The following G3BP1 variants were observed in gnomAD, a reference collection of about 807,000 sequenced individuals.
The protein encoded by G3BP1 is G3BP stress granule assembly factor 1.
Under a neutral mutation model 58.6 loss-of-function variants are expected in G3BP1, and 35 were observed. The observed-to-expected ratio is 0.60, with a 90% CI of 0.46 to 0.79. The LOEUF (loss-of-function observed/expected upper bound fraction) is 0.79, where lower values mean the gene tolerates loss of function less well. Ranked by LOEUF, G3BP1 falls within the 30% of genes least tolerant of loss-of-function variation. The pLI is 0.00. For missense variants in G3BP1, 523 were observed against 580.8 expected (o/e 0.90, Z 1.02); for synonymous variants, 191 against 195.4 (o/e 0.98, Z 0.19).
At chr5:151,799,460 C>T in intron 8 of G3BP1, 147 bp downstream of exon 8, 2 of 618,682 alleles carry the variant, frequency 3.2e-6, no homozygotes, top group South Asian at 3.8e-5. Flanking sequence ...CTGAAGCCAG[C>T]TGATCACTGG....
At chr5:151,790,711 C>G (rs1007699394) in intron 3 of G3BP1, among the ~76,000 whole-genome samples, 178 bp from the exon 4 acceptor site, 14 of 152,096 alleles carry the variant, frequency 9.2e-5, no homozygotes, top group South Asian at 2.1e-4. Context: ...TTAAAAAACT[C>G]AAGCGCGGTC....
intron 4 of G3BP1, among the ~76,000 whole-genome samples, chr5:151,793,717 G>T (rs1186983010): frequency 6.6e-6 from 1 of 151,494 alleles, no homozygotes; most frequent in African/African-American, 2.4e-5. Context: ...ATGTCAGCAG[G>T]GCATGCTGGC....
chr5:151,785,726 CTTGT>C (rs1323026811), intron 1 of G3BP1, among the ~76,000 whole-genome samples: 3 of 152,102 alleles, frequency 2.0e-5, no homozygotes, highest in Admixed American at 6.5e-5. Flanking sequence ...GTATAAACAT[CTTGT>C]TTGTTAACTT....
chr5:151,786,411 A>G (rs1347306211), intron 1 of G3BP1, among the ~76,000 whole-genome samples, 161 bp from the exon 2 acceptor site: 2 of 152,208 alleles, frequency 1.3e-5, no homozygotes, highest in East Asian at 3.8e-4. Flanking sequence ...TTGTATTCAT[A>G]TGATTGCAAT....
At chr5:151,780,649 A>G (rs1762450886) in intron 1 of G3BP1, among the ~76,000 whole-genome samples, 1 of 151,992 alleles carries the variant, frequency 6.6e-6, no homozygotes, top group Non-Finnish European at 1.5e-5. Context: ...AGTTGCTGGG[A>G]CTACAGGCGC....
At chr5:151,780,237 A>T (rs561633121) in intron 1 of G3BP1, among the ~76,000 whole-genome samples, 42 of 152,106 alleles carry the variant, frequency 2.8e-4, no homozygotes, top group Non-Finnish European at 4.7e-4. Context: ...TACTTTCCTG[A>T]GAATTGGCTG....
chr5:151,797,174 T>C lies in G3BP1; in HGVS notation c.540-53T>C. The C allele has an allele frequency of 1.9e-6, 3 of 1,574,332 alleles. No homozygotes were observed. The South Asian group carries it at 3.4e-5, about 18-fold the overall frequency. On this transcript the variant is annotated intron_variant, in intron 6 of 11. Transcript: ENST00000356245. The stretch of plus-strand genomic sequence containing the variant: ...CTGATTAATAAATGATGGAGGAATT[T>C]TTTGTGAAATAAATGGTGGCAGAAT...
intron 5 of G3BP1, among the ~76,000 whole-genome samples, chr5:151,795,169 G>A (rs542943539): frequency 9.9e-5 from 15 of 152,258 alleles, no homozygotes; most frequent in Admixed American, 4.6e-4. Flanking sequence ...CTAGCTATTC[G>A]GGAGACTGAG....
At position 151,790,330 on chromosome 5, in the gene G3BP1, G is replaced by T; in HGVS notation, c.103G>T (p.Gly35Ter). Residue 35 changes from glycine (G) to a stop codon, truncating the protein, a stop_gained, in exon 3 of 12, where the codon GGA (glycine) becomes TGA (stop). Coordinates refer to ENST00000356245, the MANE Select transcript of G3BP1 (RefSeq NM_005754.3). LOFTEE classifies it high-confidence loss of function. ...CATCTTCCCATTTTACAGATTTTAT[G>T]GAAAGAACTCTTCTTATGTCCATGG... ...QAPDMLHRFY[G>*]KNSSYVHGGL... 1 of 1,536,824 alleles carries T rather than the reference G, an allele frequency of 6.5e-7. No homozygotes were observed. Among genetic ancestry groups the T allele is most frequent in the Admixed American group, 1.9e-5 (1 of 52,808 alleles).
At chr5:151,794,355 C>G in intron 5 of G3BP1, 106 bp downstream of exon 5, 1 of 666,098 alleles carries the variant, frequency 1.5e-6, no homozygotes, top group Non-Finnish European at 2.7e-6. Flanking sequence ...ACACTCTGTT[C>G]TTCATTAATA....
chr5:151,775,360 T>TA (rs1187072086), intron 1 of G3BP1, among the ~76,000 whole-genome samples: 3 of 152,350 alleles, frequency 2.0e-5, no homozygotes, highest in Middle Eastern at 3.4e-3. Context: ...ACCTTTTGCA[T>TA]ATTTAGAGAG....
intron 1 of G3BP1, among the ~76,000 whole-genome samples, chr5:151,773,251 C>A (rs1340057163): frequency 6.6e-6 from 1 of 152,150 alleles, no homozygotes; most frequent in Admixed American, 6.5e-5. Flanking sequence ...AGGTGCAAAG[C>A]GACGAATTTA....
chr5:151,794,952 C>T (rs1282684037), intron 5 of G3BP1, among the ~76,000 whole-genome samples: 3 of 152,328 alleles, frequency 2.0e-5, no homozygotes, highest in African/African-American at 7.2e-5. Context: ...GCTCCATGCT[C>T]TTAAAAACCA....
chr5:151,796,354 C>T lies in G3BP1; in HGVS notation c.539+779C>T, dbSNP rs898027882. Among the ~76,000 whole-genome samples, 7 of 152,282 alleles carry T rather than the reference C, an allele frequency of 4.6e-5. No homozygotes were observed. In the East Asian group the frequency reaches 5.8e-4, roughly 13 times the overall value. On this transcript the variant is annotated intron_variant, in intron 6 of 11. Coordinates refer to ENST00000356245, the MANE Select transcript of G3BP1 (RefSeq NM_005754.3). Reference sequence around the variant, plus strand: ...CGCGATCTTGGCTGACTGCAACCTCCGCTTCCTGGATTCAAGCAATCCCCC... The same window carrying T: ...CGCGATCTTGGCTGACTGCAACCTCTGCTTCCTGGATTCAAGCAATCCCCC...
At chr5:151,786,532 C>A in intron 1 of G3BP1, 40 bp from the exon 2 acceptor site, 1 of 823,250 alleles carries the variant, frequency 1.2e-6, no homozygotes, top group Non-Finnish European at 2.1e-6. Context: ...TTGGTTTCAG[C>A]TAAATGATTC....
At chr5:151,792,752 G>C (rs535316395) in intron 4 of G3BP1, among the ~76,000 whole-genome samples, 157 of 152,150 alleles carry the variant, frequency 1.0e-3, no homozygotes, top group African/African-American at 3.5e-3. Context: ...CACAAGTGCA[G>C]GCCACCATTC....
intron 1 of G3BP1, 117 bp from the exon 2 acceptor site, chr5:151,786,455 G>T (rs190361636): frequency 2.7e-5 from 17 of 621,466 alleles, no homozygotes; most frequent in Non-Finnish European, 4.7e-5. Flanking sequence ...GTCTGTATGG[G>T]CTCTGTTTGT....
At chr5:151,794,652 T>G (rs1312943889) in intron 5 of G3BP1, among the ~76,000 whole-genome samples, 1 of 152,234 alleles carries the variant, frequency 6.6e-6, no homozygotes, top group East Asian at 1.9e-4. Flanking sequence ...CTCTTTGTGC[T>G]GGAGGGAGAT....
At chr5:151,775,174 G>A (rs753867612) in intron 1 of G3BP1, among the ~76,000 whole-genome samples, 70 of 152,196 alleles carry the variant, frequency 4.6e-4, no homozygotes, top group Non-Finnish European at 8.5e-4. Flanking sequence ...AGTCTGTCAT[G>A]TAATAAGTTC....
Sources: gnomAD v4.1 joint callset for allele counts (sites outside exome capture counted in the v4.1 genomes callset) on GRCh38, gnomAD v4.1.1 for gene constraint, MANE v1.5 for transcripts, NCBI Gene and HGNC (gene_info 2026-07-23, HGNC 2026-07-21) for gene names.